Variants in SAMD11 observed in about 807,000 individuals in gnomAD.
SAMD11 encodes the protein sterile alpha motif domain-containing protein 11.
SAMD11 carries 77 observed loss-of-function variants against 64.4 expected under a neutral mutation model. The ratio of observed to expected loss-of-function variants is 1.20; its 90% confidence interval spans 0.99 to 1.44. The LOEUF is 1.44. Among genes scored for constraint, SAMD11 ranks in the 40% most tolerant of loss-of-function variants. The pLI, the probability that SAMD11 is intolerant of heterozygous loss-of-function variation, is 0.00. For missense variants in SAMD11, 1,402 were observed against 943.3 expected, an observed-to-expected ratio of 1.49 and a Z score of -6.37; for synonymous variants, 658 against 421.9, an observed-to-expected ratio of 1.56 and a Z score of -6.86.
Position 926,033 on chromosome 1 carries a change from TG to T in SAMD11, c.609+24del. 6.2e-7 allele frequency: 1 copy of T among 1,608,766 alleles called. No homozygotes were observed. On this transcript the variant is annotated intron_variant, in intron 2 of 13. Coordinates refer to ENST00000616016, the MANE Select transcript of SAMD11 (RefSeq NM_001385641.1). Reference sequence around the variant, plus strand: ...CCGGTGGTGAGATGCGGGGCTCGGTTGGGGCTGGGAGTTACTCTCCCCTGCG... The same window carrying T: ...CCGGTGGTGAGATGCGGGGCTCGGTTGGGCTGGGAGTTACTCTCCCCTGCG...
intron 2 of SAMD11, among the ~76,000 whole-genome samples, chr1:927,478 G>T (rs140090175): frequency 6.6e-6 from 1 of 152,246 alleles, no homozygotes; most frequent in South Asian, 2.1e-4. Flanking sequence ...CCTGCCCTGC[G>T]TGAGGGACGG....
chr1:941,396 C>A, intron 8 of SAMD11, 90 bp downstream of exon 8: 2 of 1,269,026 alleles, frequency 1.6e-6, no homozygotes, highest in Non-Finnish European at 2.1e-6. Flanking sequence ...CCGAGAGTGC[C>A]AAGCACTGTG....
At chr1:937,825 T>G (rs957010879) in intron 5 of SAMD11, among the ~76,000 whole-genome samples, 1 of 152,220 alleles carries the variant, frequency 6.6e-6, no homozygotes, top group Admixed American at 6.5e-5. Flanking sequence ...AATAAGTTAT[T>G]AGCACCACTC....
chr1:935,335 T>G (rs1256205139), intron 4 of SAMD11, among the ~76,000 whole-genome samples: 2 of 151,960 alleles, frequency 1.3e-5, no homozygotes, highest in African/African-American at 4.8e-5. Flanking sequence ...TGTGCAGAAA[T>G]CGGGGGTCAG....
At chr1:941,891 G>A (rs1315460406) in intron 8 of SAMD11, among the ~76,000 whole-genome samples, 4 of 152,092 alleles carry the variant, frequency 2.6e-5, no homozygotes, top group East Asian at 3.9e-4. Context: ...AGGCGGGGCC[G>A]GCGCCCCGCG....
rs759587977 is a variant in SAMD11, at chr1:942,991, G to A, written c.1986G>A (p.Lys662=). The change falls in exon 11 of 14, where the codon AAG becomes AAA. Residue 662 remains lysine, a synonymous_variant. Transcript: ENST00000616016. ...APAGGAGAEG[K]GLFPGSTLPL... ...CTGGAGGGGCCGGCGCCGAGGGGAA[G>A]GGGCTTTTCCCAGGGTCCACACTGC... The A allele has an allele frequency of 5.2e-6, 8 of 1,538,740 alleles. No homozygotes were observed. Among genetic ancestry groups the A allele is most frequent in the Non-Finnish European group, 7.0e-6 (8 of 1,146,078 alleles).
intron 4 of SAMD11, among the ~76,000 whole-genome samples, chr1:931,843 G>A (rs1274642960): frequency 6.6e-6 from 1 of 152,234 alleles, no homozygotes; most frequent in Admixed American, 6.5e-5. Flanking sequence ...GGAGTTGGGG[G>A]ACCCGAGTTC....
chr1:943,108 G>A (rs1212962403), intron 11 of SAMD11, 50 bp downstream of exon 11: 5 of 1,553,520 alleles, frequency 3.2e-6, no homozygotes, highest in South Asian at 2.5e-5. Flanking sequence ...GGACTGGCAG[G>A]CCGCCTGTGG....
At chr1:943,083 C>T (rs777812001) in intron 11 of SAMD11, 25 bp downstream of exon 11, 34 of 1,546,950 alleles carry the variant, frequency 2.2e-5, no homozygotes, top group African/African-American at 2.7e-5. Context: ...ACTCTAGATC[C>T]TTCCAGAGGG....
intron 4 of SAMD11, among the ~76,000 whole-genome samples, chr1:931,818 G>A (rs562155687): frequency 2.0e-5 from 3 of 152,376 alleles, no homozygotes; most frequent in South Asian, 2.1e-4. Flanking sequence ...GAAGAGCCCC[G>A]GGGAAGAGGT....
intron 1 of SAMD11, 24 bp from the exon 2 acceptor site, chr1:925,898 G>A: frequency 6.4e-7 from 1 of 1,558,130 alleles, no homozygotes; most frequent in Non-Finnish European, 8.8e-7. Context: ...TCCCTCACAG[G>A]GTCTGCCTCG....
intron 5 of SAMD11, among the ~76,000 whole-genome samples, chr1:938,638 T>G (rs1470864400): frequency 6.6e-6 from 1 of 151,976 alleles, no homozygotes; most frequent in Non-Finnish European, 1.5e-5. Context: ...CGCTGGCATG[T>G]GACCCTGCAC....
At chr1:942,333 AC>A in intron 9 of SAMD11, 76 bp from the exon 10 acceptor site, 2 of 1,094,062 alleles carry the variant, frequency 1.8e-6, no homozygotes, top group Non-Finnish European at 2.4e-6. Context: ...GCCGAGACGG[AC>A]CGGGTAGGGG....
intron 4 of SAMD11, among the ~76,000 whole-genome samples, chr1:934,021 G>C (rs13303353): frequency 0.93 from 52,553 of 56,724 alleles, 25,537 homozygotes; most frequent in Non-Finnish European, 1. Context: ...GGAGGCGGCT[G>C]CGTTACAGGT....
chr1:942,560 C>T lies in SAMD11; in HGVS notation c.1555C>T (p.Leu519=), dbSNP rs760694478. The T allele has an allele frequency of 3.2e-4, 444 of 1,402,012 alleles. 2 individuals carry two copies. Among genetic ancestry groups the T allele is most frequent in the Middle Eastern group, 1.3e-3 (5 of 3,920 alleles). 86.8% of individuals were successfully genotyped at this position (1,402,012 alleles called of 1,614,324 possible). A position where few individuals can be genotyped will look rare whatever the true frequency, so the allele number is the denominator to read the frequency against. ...ELLRKQNLAR[L]ELPADLLRQK... is the part of the protein sequence containing the mutation. ...GACCCGCGTCTGCCCCCGGCCCAGG[C>T]TGGAGCTGCCCGCCGACCTCCTGCG... The change falls in exon 11 of 14, where the codon CTG becomes TTG. Residue 519 remains leucine (L), a splice_region_variant and synonymous_variant. Transcript: ENST00000616016.
chr1:944,022 T>TTGTCCCCC lies in SAMD11; in HGVS notation c.2405_2412dup (p.Thr805CysfsTer83). The TTGTCCCCC allele has an allele frequency of 6.2e-7, 1 of 1,612,876 alleles. No individual in the cohort carries two copies. Among genetic ancestry groups the TTGTCCCCC allele is most frequent in the Middle Eastern group, 1.6e-4 (1 of 6,062 alleles). On this transcript the variant is annotated frameshift_variant, in exon 14 of 14. Transcript: ENST00000616016. LOFTEE classifies it low-confidence loss of function (END_TRUNC). ...AGAACTCGGCACAGGAGAGCAGCCC[T>TTGTCCCCC]TGTCCCCCACGACGGCCACGTCCCC... is the stretch of plus-strand genomic sequence containing the variant.
At chr1:935,431 G>A (rs56024075) in intron 4 of SAMD11, among the ~76,000 whole-genome samples, 12,919 of 146,014 alleles carry the variant, frequency 0.088, 1,617 homozygotes, top group African/African-American at 0.31. Context: ...CCGGGCGCCC[G>A]GTGGGCCCCT....
intron 7 of SAMD11, among the ~76,000 whole-genome samples, chr1:939,953 C>T (rs1348070436): frequency 6.6e-6 from 1 of 152,090 alleles, no homozygotes; most frequent in Non-Finnish European, 1.5e-5. Flanking sequence ...CCCTGTCCAC[C>T]CCACCTCAGG....
rs1156607093 is a variant in SAMD11 at position 942,956 on chromosome 1, C to G, written c.1951C>G (p.Gln651Glu). The G allele has an allele frequency of 6.5e-7, 1 of 1,545,814 alleles. No homozygotes were observed. The highest frequency in any genetic ancestry group is 8.7e-7 in the Non-Finnish European group (1 of 1,146,672). The change falls in exon 11 of 14, where the codon CAA becomes GAA. Residue 651 changes from glutamine to glutamate, a missense_variant. Gln to Glu is a conservative substitution (Grantham distance 29). Coordinates refer to ENST00000616016, the MANE Select transcript of SAMD11 (RefSeq NM_001385641.1). ...AVGCRGPTPG[Q>E]APAGGAGAEG... ...TGGGTGCAGGGGGCCCACTCCGGGC[C>G]AAGCTCCAGCTGGAGGGGCCGGCGC... is the stretch of plus-strand genomic sequence containing the variant.
Sources: allele counts gnomAD v4.1 joint callset (sites outside exome capture counted in the v4.1 genomes callset), GRCh38; gene constraint gnomAD v4.1.1; transcripts MANE v1.5; gene names NCBI Gene and HGNC (gene_info 2026-07-23, HGNC 2026-07-21).